CSMD1: variants seen among roughly 807,000 people sequenced by gnomAD.
CSMD1 encodes the protein CUB and sushi domain-containing protein 1.
CSMD1 carries 213 observed loss-of-function variants against 417.5 expected under a neutral mutation model. The ratio of observed to expected loss-of-function variants is 0.51; its 90% CI spans 0.46 to 0.57. The LOEUF is 0.57. Ranked by LOEUF, CSMD1 falls within the 20% of genes least tolerant of loss-of-function variation. CSMD1 has a pLI of 0.00. For missense variants in CSMD1, 6,923 were observed against 4,529.7 expected (o/e 1.53, Z -15.17); for synonymous variants, 2,862 against 1,736.8 (o/e 1.65, Z -16.11).
intron 48 of CSMD1, 143 bp downstream of exon 48, chr8:3,091,373 C>G: frequency 1.9e-6 from 1 of 527,220 alleles, no homozygotes; most frequent in Non-Finnish European, 3.0e-6. Flanking sequence ...AGAATAATTA[C>G]CCATCATATA....
intron 3 of CSMD1, among the ~76,000 whole-genome samples, chr8:4,230,474 A>C (rs1490805873): frequency 6.6e-6 from 1 of 152,170 alleles, no homozygotes; most frequent in African/African-American, 2.4e-5. Flanking sequence ...ATAACTATTA[A>C]ACTCTGCTCA....
intron 33 of CSMD1, 30 bp downstream of exon 33, chr8:3,199,684 A>T: frequency 6.9e-7 from 1 of 1,445,188 alleles, no homozygotes; most frequent in Non-Finnish European, 9.5e-7. Context: ...GACCACAGTG[A>T]CATGTGGAGA....
chr8:4,722,184 G>C (rs574253520), intron 1 of CSMD1, among the ~76,000 whole-genome samples: 113 of 152,222 alleles, frequency 7.4e-4, no homozygotes, highest in African/African-American at 2.6e-3. Flanking sequence ...CACACATGCT[G>C]ACTATGGGAG....
chr8:3,758,712 C>G (rs1313291003), intron 5 of CSMD1, among the ~76,000 whole-genome samples: 2 of 152,196 alleles, frequency 1.3e-5, no homozygotes, highest in African/African-American at 4.8e-5. Flanking sequence ...GAGGCAGAAT[C>G]ATACCTGCTA....
intron 2 of CSMD1, among the ~76,000 whole-genome samples, chr8:4,578,331 C>CTTTTTTTTTTTT (rs1799238185): frequency 1.8e-5 from 1 of 54,348 alleles, no homozygotes; most frequent in Non-Finnish European, 3.1e-5. Flanking sequence ...ACACCCGGCT[C>CTTTTTTTTTTTT]ATTTTTTTTT....
intron 3 of CSMD1, among the ~76,000 whole-genome samples, chr8:4,210,133 G>A (rs961326695): frequency 7.9e-5 from 12 of 152,214 alleles, no homozygotes; most frequent in Non-Finnish European, 1.6e-4. Flanking sequence ...CCTGGGCAAA[G>A]CATTTCTCCT....
intron 1 of CSMD1, among the ~76,000 whole-genome samples, chr8:4,957,738 C>A (rs1809213923): frequency 6.6e-6 from 1 of 152,076 alleles, no homozygotes; most frequent in African/African-American, 2.4e-5. Context: ...TCCCATTCCC[C>A]TTCTCTATAA....
chr8:3,443,264 T>C (rs1815103890), intron 12 of CSMD1, among the ~76,000 whole-genome samples: 1 of 152,174 alleles, frequency 6.6e-6, no homozygotes, highest in Non-Finnish European at 1.5e-5. Context: ...ATAGATGGGT[T>C]GGAAGACTGA....
At chr8:4,381,602 C>T (rs948797847) in intron 3 of CSMD1, among the ~76,000 whole-genome samples, 4 of 152,082 alleles carry the variant, frequency 2.6e-5, no homozygotes, top group African/African-American at 7.2e-5. Context: ...CCCCTTGGTT[C>T]CCGCCCTGAA....
chr8:3,189,889 A>C, intron 34 of CSMD1, 23 bp downstream of exon 34: 1 of 1,550,896 alleles, frequency 6.4e-7, no homozygotes, highest in Non-Finnish European at 8.7e-7. Context: ...TCTGGCGGGC[A>C]GCCGCTTAGG....
chr8:3,571,508 C>G (rs1023744560), intron 10 of CSMD1, among the ~76,000 whole-genome samples: 1 of 152,184 alleles, frequency 6.6e-6, no homozygotes, highest in Non-Finnish European at 1.5e-5. Flanking sequence ...GCGACAGAAG[C>G]AAGAATGCTC....
chr8:3,488,538 A>C (rs1488342495), intron 11 of CSMD1, among the ~76,000 whole-genome samples: 1 of 152,192 alleles, frequency 6.6e-6, no homozygotes, highest in Non-Finnish European at 1.5e-5. Flanking sequence ...CTTACTATTA[A>C]TAATGTAGAT....
intron 3 of CSMD1, among the ~76,000 whole-genome samples, chr8:4,223,885 A>T (rs901373817): frequency 1.3e-5 from 2 of 152,204 alleles, no homozygotes; most frequent in Non-Finnish European, 2.9e-5. Context: ...TGCATGGAAA[A>T]TTAAAATGCT....
intron 3 of CSMD1, among the ~76,000 whole-genome samples, chr8:4,137,387 T>C (rs922623726): frequency 1.5e-5 from 2 of 134,484 alleles, no homozygotes; most frequent in South Asian, 4.8e-4. Flanking sequence ...AATAGATTAA[T>C]GAAGAACAGA....
intron 46 of CSMD1, among the ~76,000 whole-genome samples, chr8:3,105,328 A>G (rs1816059985): frequency 6.6e-6 from 1 of 152,176 alleles, no homozygotes; most frequent in African/African-American, 2.4e-5. Context: ...AGGAATGACA[A>G]TAGTTGGATT....
intron 16 of CSMD1, among the ~76,000 whole-genome samples, chr8:3,398,944 G>A (rs1043392420): frequency 1.3e-4 from 20 of 152,184 alleles, no homozygotes; most frequent in African/African-American, 3.4e-4. Flanking sequence ...TCTGCTGTCC[G>A]CACCCCATTG....
intron 1 of CSMD1, among the ~76,000 whole-genome samples, chr8:4,643,800 G>T (rs376208254): frequency 2.0e-5 from 3 of 152,146 alleles, no homozygotes; most frequent in East Asian, 1.9e-4. Flanking sequence ...AATTAATTGT[G>T]GAAGGACCAT....
chr8:4,748,030 T>C (rs1007840891), intron 1 of CSMD1, among the ~76,000 whole-genome samples: 2 of 152,192 alleles, frequency 1.3e-5, no homozygotes, highest in Admixed American at 1.3e-4. Context: ...CCAAACTCTA[T>C]GTAGAAGTAG....
At chr8:4,340,948 C>G (rs766577464) in intron 3 of CSMD1, among the ~76,000 whole-genome samples, 30 of 152,034 alleles carry the variant, frequency 2.0e-4, no homozygotes, top group Non-Finnish European at 3.8e-4. Flanking sequence ...AGAATGTAGT[C>G]TGTACTCTGC....
Sources: gnomAD v4.1 joint callset for allele counts (sites outside exome capture counted in the v4.1 genomes callset) on GRCh38, gnomAD v4.1.1 for gene constraint, MANE v1.5 for transcripts, NCBI Gene and HGNC (gene_info 2026-07-23, HGNC 2026-07-21) for gene names.